COX7B2: variants seen among roughly 807,000 people sequenced by gnomAD.
The protein encoded by COX7B2 is cytochrome c oxidase subunit 7B2, also known as cytochrome c oxidase subunit 7B2, mitochondrial.
For synonymous variants in COX7B2, 37 were observed against 32.1 expected (o/e 1.15, Z -0.51); for missense variants, 109 against 95.9 (o/e 1.14, Z -0.57).
chr4:46,885,947 A>T (rs1361784978), intron 1 of COX7B2, among the ~76,000 whole-genome samples: 1 of 152,172 alleles, frequency 6.6e-6, no homozygotes, highest in Admixed American at 6.5e-5. Context: ...GTTAGAATAA[A>T]TGTATTGAAT....
intron 2 of COX7B2, among the ~76,000 whole-genome samples, chr4:46,827,913 T>C (rs921466331): frequency 1.3e-5 from 2 of 152,162 alleles, no homozygotes; most frequent in African/African-American, 4.8e-5. Flanking sequence ...AACAGATCAC[T>C]GGTTGCCTGG....
At chr4:46,807,073 A>T (rs1474497219) in intron 2 of COX7B2, among the ~76,000 whole-genome samples, 1 of 151,688 alleles carries the variant, frequency 6.6e-6, no homozygotes, top group East Asian at 1.9e-4. Flanking sequence ...CTTCTATTTT[A>T]AATTTTTTTA....
At chr4:46,803,158 T>G (rs1718752741) in intron 2 of COX7B2, among the ~76,000 whole-genome samples, 1 of 152,212 alleles carries the variant, frequency 6.6e-6, no homozygotes, top group Non-Finnish European at 1.5e-5. Context: ...GTATAAAGGT[T>G]CTTTTCAGTT....
chr4:46,754,652 A>G (rs148042548), intron 2 of COX7B2, among the ~76,000 whole-genome samples: 35,390 of 124,226 alleles, frequency 0.28, 6,590 homozygotes, highest in South Asian at 0.44. Flanking sequence ...TAACAAACCT[A>G]CAATTTGTGC....
chr4:46,777,080 T>C (rs141256562), intron 2 of COX7B2, among the ~76,000 whole-genome samples: 27 of 152,284 alleles, frequency 1.8e-4, no homozygotes, highest in African/African-American at 6.5e-4. Context: ...GTAAATGTAA[T>C]ATATATGTGT....
intron 2 of COX7B2, among the ~76,000 whole-genome samples, chr4:46,768,009 C>T (rs1329562149): frequency 1.3e-5 from 2 of 152,222 alleles, no homozygotes; most frequent in Non-Finnish European, 2.9e-5. Context: ...GAACCCTGTA[C>T]AGGCCCCAGC....
intron 2 of COX7B2, among the ~76,000 whole-genome samples, chr4:46,784,880 C>T (rs942775346): frequency 6.6e-6 from 1 of 152,154 alleles, no homozygotes; most frequent in African/African-American, 2.4e-5. Context: ...CATATTAGCT[C>T]CTTGATCCTG....
chr4:46,739,547 G>A (rs1357464354), intron 2 of COX7B2, among the ~76,000 whole-genome samples: 1 of 152,104 alleles, frequency 6.6e-6, no homozygotes, highest in Non-Finnish European at 1.5e-5. Flanking sequence ...ACATAAGGAA[G>A]TAGGCTAGAA....
In COX7B2 at chr4:46,769,581, G is replaced by T. The variant is rs138257236; in HGVS notation, c.-49-34340C>A. On this transcript the variant is annotated intron_variant, in intron 2 of 2. Transcript: ENST00000355591. ...AGTACAAAAAAAATTAGCCAGGTGT[G>T]TTGGCATGTGCATGTAATGCCAGCT... is the stretch of plus-strand genomic sequence containing the variant. 3.8e-3 allele frequency among the ~76,000 whole-genome samples: 572 copies of T among 152,160 alleles called. 5 individuals are homozygous for T. The highest frequency in any genetic ancestry group is 0.013 in the African/African-American group (554 of 41,510).
chr4:46,854,046 A>C (rs1716862434), intron 1 of COX7B2, among the ~76,000 whole-genome samples: 1 of 152,186 alleles, frequency 6.6e-6, no homozygotes, highest in African/African-American at 2.4e-5. Context: ...GCAGAAAGAT[A>C]TGTTGAGTAG....
chr4:46,906,441 A>G (rs1043661612), intron 1 of COX7B2, among the ~76,000 whole-genome samples: 2 of 151,946 alleles, frequency 1.3e-5, no homozygotes, highest in African/African-American at 4.8e-5. Context: ...TCTACTTTTT[A>G]TTTTCTTCTA....
chr4:46,840,533 A>C (rs913164947), intron 2 of COX7B2, among the ~76,000 whole-genome samples: 5 of 152,014 alleles, frequency 3.3e-5, no homozygotes, highest in African/African-American at 1.2e-4. Context: ...GTCAACTAAC[A>C]GCTGCTTCCC....
chr4:46,815,918 A>C (rs1719525962), intron 2 of COX7B2, among the ~76,000 whole-genome samples: 1 of 152,174 alleles, frequency 6.6e-6, no homozygotes, highest in Non-Finnish European at 1.5e-5. Flanking sequence ...TTTTGAAAAA[A>C]TACCAATGCT....
intron 2 of COX7B2, among the ~76,000 whole-genome samples, chr4:46,793,694 G>A (rs1718169268): frequency 6.6e-6 from 1 of 152,208 alleles, no homozygotes. Flanking sequence ...TGAGACTGCT[G>A]AAGATCAAAC....
chr4:46,801,093 C>A (rs1283841478), intron 2 of COX7B2, among the ~76,000 whole-genome samples: 3 of 152,034 alleles, frequency 2.0e-5, no homozygotes, highest in Non-Finnish European at 4.4e-5. Context: ...AAATAACAGA[C>A]TCTGGCAAAC....
intron 2 of COX7B2, among the ~76,000 whole-genome samples, chr4:46,811,492 T>C (rs1719283619): frequency 6.6e-6 from 1 of 152,202 alleles, no homozygotes; most frequent in African/African-American, 2.4e-5. Context: ...TCTGTCTGGT[T>C]CTTTAATACA....
At chr4:46,845,656 G>A (rs912545397) in intron 1 of COX7B2, among the ~76,000 whole-genome samples, 15 of 151,750 alleles carry the variant, frequency 9.9e-5, no homozygotes, top group Non-Finnish European at 2.2e-4. Flanking sequence ...TAGGGACACA[G>A]AAAAAAAGAG....
chr4:46,848,597 T>C (rs552090185), intron 1 of COX7B2, among the ~76,000 whole-genome samples: 2 of 152,184 alleles, frequency 1.3e-5, no homozygotes, highest in South Asian at 4.1e-4. Flanking sequence ...CCTCTATTCA[T>C]TCACTCAATG....
chr4:46,787,825 T>C (rs1202559804), intron 2 of COX7B2, among the ~76,000 whole-genome samples: 2 of 152,218 alleles, frequency 1.3e-5, no homozygotes, highest in African/African-American at 2.4e-5. Context: ...TCTGCCTTTT[T>C]CCTTTCCTGG....
Sources: gnomAD v4.1 joint callset for allele counts (sites outside exome capture counted in the v4.1 genomes callset) on GRCh38, gnomAD v4.1.1 for gene constraint, MANE v1.5 for transcripts, NCBI Gene and HGNC (gene_info 2026-07-23, HGNC 2026-07-21) for gene names.